The following UBE2E2 variants were observed in gnomAD, a reference collection of about 807,000 sequenced individuals.
UBE2E2 encodes ubiquitin conjugating enzyme E2 E2.
In UBE2E2, 6 loss-of-function variants were observed where a neutral mutation model predicts 24.7. That is an observed-to-expected ratio of 0.24 (90% CI 0.13 to 0.48). The LOEUF is 0.48. Ranked by LOEUF, UBE2E2 falls within the 20% of genes least tolerant of loss-of-function variation. The pLI is 0.99. For synonymous variants in UBE2E2, 104 were observed against 83.6 expected, an observed-to-expected ratio of 1.24 and a Z score of -1.33; for missense variants, 169 against 245.0, an observed-to-expected ratio of 0.69 and a Z score of 2.07.
intron 5 of UBE2E2, among the ~76,000 whole-genome samples, chr3:23,568,184 C>T (rs1052758855): frequency 1.3e-5 from 2 of 152,160 alleles, no homozygotes; most frequent in South Asian, 2.1e-4. Flanking sequence ...GATTCCCACA[C>T]GTGGTGGAGA....
chr3:23,518,083 AAATT>A (rs753427570), intron 4 of UBE2E2, among the ~76,000 whole-genome samples: 1 of 152,106 alleles, frequency 6.6e-6, no homozygotes, highest in Non-Finnish European at 1.5e-5. Context: ...GCTTTAAGGA[AAATT>A]AACCCATTTT....
intron 3 of UBE2E2, among the ~76,000 whole-genome samples, chr3:23,445,379 T>C (rs921529322): frequency 6.6e-6 from 1 of 152,202 alleles, no homozygotes; most frequent in African/African-American, 2.4e-5. Flanking sequence ...ACATCATCTT[T>C]CACTGTTGTT....
intron 5 of UBE2E2, among the ~76,000 whole-genome samples, chr3:23,567,910 A>AC (rs1696114853): frequency 6.6e-6 from 1 of 152,230 alleles, no homozygotes; most frequent in Admixed American, 6.5e-5. Context: ...GCACAGAGCA[A>AC]TAAGTTTCCT....
In UBE2E2 at chr3:23,558,214, TTAACA is replaced by T. The variant is rs1276275392; in HGVS notation, c.508+25517_508+25521del. On this transcript the variant is annotated intron_variant, in intron 5 of 5. Transcript: ENST00000396703. ...CCATGACTTCAAACTAGTCTCAAAC[TTAACA>T]TAATTGATCTGCATGTTTCATTCTC... is the stretch of plus-strand genomic sequence containing the variant. 3.7e-4 allele frequency among the ~76,000 whole-genome samples: 56 copies of T among 152,326 alleles called. 1 individual carries two copies. Among genetic ancestry groups the T allele is most frequent in the African/African-American group, 1.1e-3 (45 of 41,582 alleles).
intron 3 of UBE2E2, among the ~76,000 whole-genome samples, chr3:23,484,375 G>T (rs147977323): frequency 6.6e-6 from 1 of 152,222 alleles, no homozygotes; most frequent in African/African-American, 2.4e-5. Context: ...TTCTCAGGTC[G>T]GTGCTGAAAT....
At chr3:23,563,420 C>T (rs560617229) in intron 5 of UBE2E2, among the ~76,000 whole-genome samples, 1 of 152,272 alleles carries the variant, frequency 6.6e-6, no homozygotes, top group Non-Finnish European at 1.5e-5. Flanking sequence ...TTTGATTGCA[C>T]TGTGGTCTGA....
intron 3 of UBE2E2, among the ~76,000 whole-genome samples, chr3:23,489,866 A>G (rs1459631057): frequency 1.3e-5 from 2 of 152,156 alleles, no homozygotes; most frequent in Non-Finnish European, 2.9e-5. Flanking sequence ...CCTTCAATGG[A>G]AGTGTTCAGC....
At chr3:23,263,446 T>C (rs1697956579) in intron 3 of UBE2E2, among the ~76,000 whole-genome samples, 1 of 152,244 alleles carries the variant, frequency 6.6e-6, no homozygotes, top group Non-Finnish European at 1.5e-5. Flanking sequence ...GGCTTTGACA[T>C]AATTGATACT....
chr3:23,292,320 G>T (rs945072781), intron 3 of UBE2E2, among the ~76,000 whole-genome samples: 1 of 152,008 alleles, frequency 6.6e-6, no homozygotes, highest in African/African-American at 2.4e-5. Context: ...TTAAAATGTC[G>T]TCTTTAAAAC....
intron 3 of UBE2E2, among the ~76,000 whole-genome samples, chr3:23,230,303 G>T (rs533123584): frequency 2.6e-5 from 4 of 152,354 alleles, no homozygotes; most frequent in Admixed American, 1.3e-4. Flanking sequence ...GCAGCCCAGA[G>T]AGAGAAATAG....
At chr3:23,584,186 GT>G (rs919884386) in intron 5 of UBE2E2, among the ~76,000 whole-genome samples, 2 of 152,072 alleles carry the variant, frequency 1.3e-5, no homozygotes, top group African/African-American at 2.4e-5. Context: ...GTGGTTTTTT[GT>G]TTGCGTTGTT....
chr3:23,548,414 C>T (rs901804822), intron 5 of UBE2E2, among the ~76,000 whole-genome samples: 1 of 152,176 alleles, frequency 6.6e-6, no homozygotes, highest in Non-Finnish European at 1.5e-5. Flanking sequence ...AGTACATACA[C>T]ATGCACAAAC....
intron 3 of UBE2E2, among the ~76,000 whole-genome samples, chr3:23,353,002 C>T (rs372052863): frequency 8.5e-5 from 13 of 152,066 alleles, no homozygotes; most frequent in African/African-American, 1.4e-4. Flanking sequence ...ACTAGCAAAC[C>T]GAATCCAGCA....
At chr3:23,208,470 A>G (rs79744063) in intron 1 of UBE2E2, among the ~76,000 whole-genome samples, 1 of 152,214 alleles carries the variant, frequency 6.6e-6, no homozygotes, top group African/African-American at 2.4e-5. Flanking sequence ...GTTGCTATGA[A>G]CATTTCATGT....
At chr3:23,417,241 G>A (rs184556497) in intron 3 of UBE2E2, among the ~76,000 whole-genome samples, 16 of 152,218 alleles carry the variant, frequency 1.1e-4, no homozygotes, top group African/African-American at 3.9e-4. Flanking sequence ...TTTCTGTGTG[G>A]ACGTCCTTTT....
intron 3 of UBE2E2, among the ~76,000 whole-genome samples, chr3:23,218,812 G>T (rs1163444670): frequency 6.6e-6 from 1 of 151,972 alleles, no homozygotes; most frequent in Non-Finnish European, 1.5e-5. Flanking sequence ...ACTATATAAA[G>T]GTTATTATTT....
chr3:23,277,523 CG>C (rs1698398484), intron 3 of UBE2E2, among the ~76,000 whole-genome samples: 1 of 152,018 alleles, frequency 6.6e-6, no homozygotes, highest in African/African-American at 2.4e-5. Flanking sequence ...CTGGGATCAA[CG>C]TAAGTATTTC....
chr3:23,257,661 A>G (rs1390372509), intron 3 of UBE2E2, among the ~76,000 whole-genome samples: 3 of 150,526 alleles, frequency 2.0e-5, no homozygotes, highest in African/African-American at 7.3e-5. Flanking sequence ...ACAGGCCACC[A>G]TGGCTGGTTT....
At chr3:23,415,384 T>C (rs1035565087) in intron 3 of UBE2E2, among the ~76,000 whole-genome samples, 9 of 152,206 alleles carry the variant, frequency 5.9e-5, no homozygotes, top group African/African-American at 1.9e-4. Flanking sequence ...ATTGCAACTC[T>C]GATCCATCAG....
Sources: gnomAD v4.1 joint callset for allele counts (sites outside exome capture counted in the v4.1 genomes callset) on GRCh38, gnomAD v4.1.1 for gene constraint, MANE v1.5 for transcripts, NCBI Gene and HGNC (gene_info 2026-07-23, HGNC 2026-07-21) for gene names.